Variants in PPP1R3F observed in about 807,000 individuals in gnomAD.
PPP1R3F encodes protein phosphatase 1, regulatory (inhibitor) subunit 3F.
A neutral mutation model predicts 24.2 loss-of-function variants in PPP1R3F; 29 were observed. That is an observed-to-expected ratio of 1.20 (90% confidence interval 0.89 to 1.63). The LOEUF is 1.63. PPP1R3F is among the 40% of genes most tolerant of loss of function. The pLI is 0.00. For missense variants in PPP1R3F, 823 were observed against 729.3 expected (o/e 1.13, Z -1.48); for synonymous variants, 363 against 340.1 (o/e 1.07, Z -0.74).
At chrX:49,273,481 C>T (rs1332607452) in intron 1 of PPP1R3F, 1 of 112,339 alleles carries the variant, frequency 8.9e-6, no homozygotes, top group East Asian at 2.8e-4. Flanking sequence ...GGGCAGATGG[C>T]TTTTTGATAG....
At chrX:49,276,103 G>A (rs782349567) in intron 1 of PPP1R3F, among the ~76,000 whole-genome samples, 1 of 112,854 alleles carries the variant, frequency 8.9e-6, no homozygotes, top group Non-Finnish European at 1.9e-5. Flanking sequence ...CTGAGGCCAC[G>A]TGCTAAGAAA....
At chrX:49,275,346 CCTTAGCT>C (rs1460356866) in intron 1 of PPP1R3F, 2 of 111,610 alleles carry the variant, frequency 1.8e-5, no homozygotes, top group African/African-American at 6.5e-5. Flanking sequence ...CTGGCTCTTC[CCTTAGCT>C]TCATGTATCC....
Position 49,281,063 on chromosome X carries a change from T to G in PPP1R3F, c.1005-343T>G, listed in dbSNP as rs1353966746. ...TTGCAAAAGTGTATAATGATGTTTCTTACTGTTAAATGGACAAAGCTAGCT... is the reference window on the plus strand; with the variant it reads ...TTGCAAAAGTGTATAATGATGTTTCGTACTGTTAAATGGACAAAGCTAGCT... On this transcript the variant is annotated intron_variant, in intron 1 of 3. Coordinates refer to ENST00000055335, the MANE Select transcript of PPP1R3F (RefSeq NM_033215.5). 1.6e-5 allele frequency: 3 copies of G among 184,782 alleles called. No individual in the cohort carries two copies. The Admixed American group carries it at 2.3e-4, about 14-fold the overall frequency. 15.2% of individuals were successfully genotyped at this position (184,782 alleles called of 1,213,427 possible).
downstream of PPP1R3F, among the ~76,000 whole-genome samples, chrX:49,289,925 C>T (rs782569344): frequency 2.7e-5 from 3 of 110,822 alleles, no homozygotes; most frequent in East Asian, 2.9e-4. Context: ...AAAAATTAGC[C>T]GGGCGTGGTG....
chrX:49,290,816 G>A (rs2066306245), downstream of PPP1R3F, among the ~76,000 whole-genome samples: 1 of 111,483 alleles, frequency 9.0e-6, no homozygotes, highest in Non-Finnish European at 1.9e-5. Flanking sequence ...GTTAAGTGAG[G>A]AAGAGGTGAG....
In PPP1R3F at chrX:49,270,740, C is replaced by G. The variant is rs368849258; in HGVS notation, c.871C>G (p.Pro291Ala). The change falls in exon 1 of 4, where the codon CCC becomes GCC. Residue 291 changes from proline to alanine, a missense_variant. Pro to Ala is a conservative substitution (Grantham distance 27). Coordinates refer to ENST00000055335, the MANE Select transcript of PPP1R3F (RefSeq NM_033215.5). ...YTVLLRIAPAPTPTDAEGLPQ... is the reference protein window; with the variant it reads ...YTVLLRIAPAATPTDAEGLPQ... Reference sequence around the variant, plus strand: ...AGTCCTGCTCCGGATCGCACCCGCTCCCACACCCACTGATGCCGAAGGGCT... The same window carrying G: ...AGTCCTGCTCCGGATCGCACCCGCTGCCACACCCACTGATGCCGAAGGGCT... The G allele has an allele frequency of 1.1e-5, 13 of 1,203,505 alleles. No homozygotes were observed. The highest frequency in any genetic ancestry group is 1.5e-5 in the Non-Finnish European group (13 of 891,919).
Position 49,270,229 on chromosome X carries a change from G to A in PPP1R3F, c.360G>A (p.Ser120=), listed in dbSNP as rs782258389. Residue 120 remains serine (S), a synonymous_variant, in exon 1 of 4, where the codon TCG becomes TCA. Coordinates refer to ENST00000055335, the MANE Select transcript of PPP1R3F (RefSeq NM_033215.5). Reference sequence around the variant, plus strand: ...GGTTTTACCTGGTCCCCACATTTTCGCTGCCGCCCGCGCCGGGCCGTCTGG... The same window carrying A: ...GGTTTTACCTGGTCCCCACATTTTCACTGCCGCCCGCGCCGGGCCGTCTGG... The part of the protein sequence containing the change: ...GGGFYLVPTF[S]LPPAPGRLER... 1.1e-5 allele frequency: 12 copies of A among 1,091,937 alleles called. No individual in the cohort carries two copies. In the African/African-American group the frequency reaches 1.8e-4, roughly 16 times the overall value. 90.0% of individuals were successfully genotyped at this position (1,091,937 alleles called of 1,213,427 possible). A position where few individuals can be genotyped will look rare whatever the true frequency, so the allele number is the denominator to read the frequency against.
At chrX:49,296,182 C>T (rs891451811) in intron 3 of PPP1R3F, among the ~76,000 whole-genome samples, 1 of 111,739 alleles carries the variant, frequency 8.9e-6, no homozygotes, top group African/African-American at 3.3e-5. Flanking sequence ...TTAATTACTG[C>T]CTCAATTTCA....
At chrX:49,284,471 C>CCT (rs1386152506) in intron 3 of PPP1R3F, among the ~76,000 whole-genome samples, 3 of 91,622 alleles carry the variant, frequency 3.3e-5, no homozygotes, top group Non-Finnish European at 6.5e-5. Context: ...TCCTTTCTTT[C>CCT]CTCTCTCTCT....
rs781785794 is a variant in PPP1R3F, at chrX:49,270,861, C to T, written c.992C>T (p.Pro331Leu). 9.3e-6 allele frequency: 11 copies of T among 1,179,410 alleles called. No individual in the cohort carries two copies. In the South Asian group the frequency reaches 1.5e-4, roughly 16 times the overall value. Residue 331 changes from proline to leucine, a missense_variant, in exon 1 of 4, where the codon CCG becomes CTG. Physicochemically the swap from Pro to Leu is moderately conservative, Grantham distance 98. Transcript: ENST00000055335. ...EARQLKSCMK[P>L]VRRRPAEEEL... ...AGGCAGCTGAAGAGCTGCATGAAGC[C>T]GGTGAGGCGCAGGTAATGTCAGCCA...
chrX:49,301,283 A>G, intron 3 of PPP1R3F: 1 of 467,887 alleles, frequency 2.1e-6, no homozygotes, highest in Non-Finnish European at 3.6e-6. Flanking sequence ...TATGCTTTAC[A>G]TGCCTTTAGA....
chrX:49,284,139 T>C (rs958432211), intron 3 of PPP1R3F, among the ~76,000 whole-genome samples: 23 of 112,004 alleles, frequency 2.1e-4, no homozygotes, highest in South Asian at 1.8e-3. Context: ...ATTGCACTTA[T>C]TTGTTTGCTT....
Position 49,285,920 on chromosome X carries a change from C to G in PPP1R3F, c.1230C>G (p.Leu410=). The change falls in exon 4 of 4, where the codon CTC becomes CTG. Residue 410 remains leucine, a synonymous_variant. Transcript: ENST00000055335. The part of the protein sequence containing the change: ...SSPPVAFTEV[L]QAPAIRIPPS... Reference sequence around the variant, plus strand: ...CACCTGTGGCTTTTACAGAGGTCCTCCAGGCACCGGCCATCAGGATTCCCC... The same window carrying G: ...CACCTGTGGCTTTTACAGAGGTCCTGCAGGCACCGGCCATCAGGATTCCCC... 1 of 1,208,639 alleles carries G rather than the reference C, an allele frequency of 8.3e-7. No individual in the cohort carries two copies. The highest frequency in any genetic ancestry group is 3.0e-5 in the East Asian group (1 of 33,792).
At chrX:49,291,575 G>A (rs1309408626), downstream of PPP1R3F, among the ~76,000 whole-genome samples, 2 of 110,177 alleles carry the variant, frequency 1.8e-5, no homozygotes, top group Non-Finnish European at 3.8e-5. Context: ...TGATCCACCC[G>A]CCTCAGCCTC....
Position 49,270,782 on chromosome X carries a change from C to T in PPP1R3F, c.913C>T (p.Leu305=). ...DAEGLPQQQQ[L]PQLEPQPECQ... ...CGAAGGGCTGCCCCAGCAGCAGCAGCTGCCGCAGCTGGAGCCACAGCCCGA... is the reference window on the plus strand; with the variant it reads ...CGAAGGGCTGCCCCAGCAGCAGCAGTTGCCGCAGCTGGAGCCACAGCCCGA... The change falls in exon 1 of 4, where the codon CTG becomes TTG. Residue 305 remains leucine (L), a synonymous_variant. Coordinates refer to ENST00000055335, the MANE Select transcript of PPP1R3F (RefSeq NM_033215.5). 1 of 1,194,247 alleles carries T rather than the reference C, an allele frequency of 8.4e-7. No homozygotes were observed. The highest frequency in any genetic ancestry group is 2.3e-4 in the Middle Eastern group (1 of 4,338).
intron 1 of PPP1R3F, chrX:49,275,768 A>T (rs2066208562): frequency 8.9e-6 from 1 of 111,769 alleles, no homozygotes; most frequent in African/African-American, 3.3e-5. Flanking sequence ...TGTTGAAATA[A>T]TGAGTTTGAG....
At chrX:49,300,317 C>T (rs781895616) in intron 3 of PPP1R3F, among the ~76,000 whole-genome samples, 4 of 110,412 alleles carry the variant, frequency 3.6e-5, no homozygotes, top group East Asian at 5.7e-4. Context: ...CACTCTACTT[C>T]GGCTTGCCTT....
Position 49,270,189 on chromosome X carries a change from TC to T in PPP1R3F, c.324del (p.Ala109LeufsTer63). On this transcript the variant is annotated frameshift_variant, in exon 1 of 4. Coordinates refer to ENST00000055335, the MANE Select transcript of PPP1R3F (RefSeq NM_033215.5). LOFTEE classifies it high-confidence loss of function. Reference sequence around the variant, plus strand: ...CCCGAGCCCTCACCGCTGTGCCCCGTCCCCGCTGGCGGGGGGTTTTACCTGG... The same window carrying T: ...CCCGAGCCCTCACCGCTGTGCCCCGTCCCGCTGGCGGGGGGTTTTACCTGG... ...ACPEPSPLCP[V>X]PAGGGFYLVP... The T allele has an allele frequency of 2.7e-6, 3 of 1,096,968 alleles. No homozygotes were observed. The highest frequency in any genetic ancestry group is 3.5e-6 in the Non-Finnish European group (3 of 847,303). 90.4% of individuals were successfully genotyped at this position (1,096,968 alleles called of 1,213,427 possible).
intron 3 of PPP1R3F, among the ~76,000 whole-genome samples, chrX:49,301,097 C>A (rs781863398): frequency 7.6e-4 from 85 of 112,333 alleles, no homozygotes; most frequent in Admixed American, 1.5e-3. Flanking sequence ...AATTGCTGAC[C>A]ATTCATTATA....
Sources: gnomAD v4.1 joint callset for allele counts (sites outside exome capture counted in the v4.1 genomes callset) on GRCh38, gnomAD v4.1.1 for gene constraint, MANE v1.5 for transcripts, NCBI Gene and HGNC (gene_info 2026-07-23, HGNC 2026-07-21) for gene names.